SLC1A6: variants seen among roughly 807,000 people sequenced by gnomAD.
SLC1A6 encodes the protein solute carrier family 1 member 6.
In SLC1A6, 15 loss-of-function variants were observed where a neutral mutation model predicts 42.1. That is an observed-to-expected ratio of 0.36 (90% confidence interval 0.24 to 0.55). The LOEUF is 0.55. SLC1A6 is among the 20% of genes least tolerant of loss of function. The pLI is 0.88. For synonymous variants in SLC1A6, 317 were observed against 319.7 expected (o/e 0.99, Z 0.09); for missense variants, 542 against 772.5 (o/e 0.70, Z 3.54).
At chr19:15,002,542 C>T (rs1319469524) in intron 1 of SLC1A6, among the ~76,000 whole-genome samples, 1 of 152,164 alleles carries the variant, frequency 6.6e-6, no homozygotes, top group East Asian at 1.9e-4. Context: ...TCATGTTTGC[C>T]ATAGGCTGTT....
In SLC1A6 at chr19:14,950,282, G is replaced by A. The variant is rs770267660; in HGVS notation, c.1608C>T (p.Leu536=). The A allele has an allele frequency of 5.0e-6, 8 of 1,612,328 alleles. No individual in the cohort carries two copies. Among genetic ancestry groups the A allele is most frequent in the South Asian group, 2.2e-5 (2 of 90,588 alleles). Residue 536 remains leucine, a synonymous_variant, in exon 10 of 10, where the codon CTC becomes CTT. Coordinates refer to ENST00000594383, the MANE Select transcript of SLC1A6 (RefSeq NM_005071.3). Reference sequence around the variant, plus strand: ...ACTTGTAGGGTTTCCCCAGGCTGGGGAGGGTAAGCTCAGCTTCCTGAAGCT... The same window carrying A: ...ACTTGTAGGGTTTCCCCAGGCTGGGAAGGGTAAGCTCAGCTTCCTGAAGCT... ...ELELQEAELT[L]PSLGKPYKSL... is the part of the protein sequence containing the mutation.
intron 1 of SLC1A6, among the ~76,000 whole-genome samples, chr19:15,006,769 A>AG (rs887110274): frequency 2.0e-5 from 3 of 149,000 alleles, no homozygotes; most frequent in Admixed American, 6.7e-5. Context: ...ACAAAAAAAA[A>AG]AAAAGAAAAA....
upstream of SLC1A6, among the ~76,000 whole-genome samples, chr19:14,980,633 G>T (rs2045761139): frequency 6.9e-6 from 1 of 145,440 alleles, no homozygotes; most frequent in African/African-American, 2.6e-5. Context: ...CTCCAGCCTG[G>T]GTGACAGAGC....
At chr19:14,963,173 A>T (rs1246204205) in intron 5 of SLC1A6, among the ~76,000 whole-genome samples, 2 of 152,238 alleles carry the variant, frequency 1.3e-5, no homozygotes, top group African/African-American at 4.8e-5. Context: ...GAACCTGGAA[A>T]ACACTGTGCT....
chr19:14,974,774 T>TA (rs1254334359), intron 1 of SLC1A6: 3 of 151,914 alleles, frequency 2.0e-5, no homozygotes, highest in Non-Finnish European at 4.4e-5. Context: ...CCCTCAATTT[T>TA]AAAAATTGAG....
intron 1 of SLC1A6, among the ~76,000 whole-genome samples, chr19:14,996,495 T>TTCC (rs147786175): frequency 7.6e-6 from 1 of 131,052 alleles, no homozygotes; most frequent in Non-Finnish European, 1.7e-5. Flanking sequence ...CCTTCTTTCT[T>TTCC]TCCTCCTCCT....
chr19:14,987,333 G>A (rs1295552950), intron 1 of SLC1A6, among the ~76,000 whole-genome samples: 4 of 151,932 alleles, frequency 2.6e-5, no homozygotes, highest in Non-Finnish European at 5.9e-5. Flanking sequence ...CAGGCATGGT[G>A]GTGCACACCT....
At chr19:15,000,429 CT>C (rs1377326477) in intron 1 of SLC1A6, among the ~76,000 whole-genome samples, 1 of 152,146 alleles carries the variant, frequency 6.6e-6, no homozygotes, top group East Asian at 1.9e-4. Context: ...ATCAGTTTGT[CT>C]TTTTTACCTT....
chr19:14,991,879 G>A lies in SLC1A6; in HGVS notation c.6+18606C>T, dbSNP rs375223215. On this transcript the variant is annotated intron_variant, in intron 1 of 8. Coordinates refer to the SLC1A6 transcript ENST00000430939. ...TCTAGAGGGAGTCTTGCTCTGTCACGCAGTGGCGTGATCTTGGCTCACTGC... is the reference window on the plus strand; with the variant it reads ...TCTAGAGGGAGTCTTGCTCTGTCACACAGTGGCGTGATCTTGGCTCACTGC... Among the ~76,000 whole-genome samples, 455 of 149,874 alleles carry A rather than the reference G, an allele frequency of 3.0e-3. 4 individuals carry two copies. The South Asian group carries it at 0.035, about 12-fold the overall frequency.
intron 1 of SLC1A6, among the ~76,000 whole-genome samples, chr19:14,986,821 C>T (rs1207838397): frequency 6.6e-6 from 1 of 152,022 alleles, no homozygotes; most frequent in African/African-American, 2.4e-5. Flanking sequence ...ATCCTCCTGC[C>T]TCGGCCTCCC....
At chr19:14,986,801 G>T (rs528440338) in intron 1 of SLC1A6, among the ~76,000 whole-genome samples, 2 of 151,986 alleles carry the variant, frequency 1.3e-5, no homozygotes, top group East Asian at 3.9e-4. Context: ...CAAACTCCTG[G>T]ACTCAAGTGA....
At chr19:14,993,048 G>A (rs966668851) in intron 1 of SLC1A6, among the ~76,000 whole-genome samples, 1 of 152,168 alleles carries the variant, frequency 6.6e-6, no homozygotes, top group Non-Finnish European at 1.5e-5. Flanking sequence ...GGAGGTGGGA[G>A]GAGGACCAGG....
At chr19:14,984,953 C>T (rs1382990752) in intron 1 of SLC1A6, among the ~76,000 whole-genome samples, 1 of 151,686 alleles carries the variant, frequency 6.6e-6, no homozygotes, top group Non-Finnish European at 1.5e-5. Flanking sequence ...GTGATCTCGG[C>T]TCACTGCAAC....
At chr19:15,009,188 C>T (rs568538177) in intron 1 of SLC1A6, among the ~76,000 whole-genome samples, 2 of 73,756 alleles carry the variant, frequency 2.7e-5, no homozygotes, top group South Asian at 9.7e-4. Context: ...CATATCTATA[C>T]CAAATACATA....
intron 1 of SLC1A6, among the ~76,000 whole-genome samples, chr19:15,005,405 A>C (rs1176166384): frequency 6.6e-6 from 1 of 152,150 alleles, no homozygotes; most frequent in Non-Finnish European, 1.5e-5. Context: ...GCTACTCAGA[A>C]GGCTGAGGCA....
chr19:14,962,428 T>G, intron 5 of SLC1A6, 83 bp from the exon 6 acceptor site: 1 of 899,514 alleles, frequency 1.1e-6, no homozygotes, highest in South Asian at 1.5e-5. Context: ...GACCACTGAT[T>G]CCCAGTTCCC....
intron 1 of SLC1A6, among the ~76,000 whole-genome samples, chr19:14,987,514 A>T (rs1357146278): frequency 2.6e-5 from 4 of 152,036 alleles, no homozygotes; most frequent in Admixed American, 2.0e-4. Flanking sequence ...TATAATCAGG[A>T]AAAGAATATA....
chr19:14,950,110 G>C lies in SLC1A6; in HGVS notation c.*85C>G. 1 of 980,354 alleles carries C rather than the reference G, an allele frequency of 1.0e-6. No individual in the cohort carries two copies. The highest frequency in any genetic ancestry group is 1.4e-6 in the Non-Finnish European group (1 of 695,560). 60.7% of individuals were successfully genotyped at this position (980,354 alleles called of 1,614,324 possible). A position where few individuals can be genotyped will look rare whatever the true frequency, so the allele number is the denominator to read the frequency against. On this transcript the variant is annotated 3_prime_UTR_variant, in exon 10 of 10. Transcript: ENST00000594383. ...CAAGCAGAACGTGTGTTCAGCCCAC[G>C]GTCAGTTGGGCAACAGATGTGTCAC...
chr19:14,986,177 G>A (rs1409552065), intron 1 of SLC1A6, among the ~76,000 whole-genome samples: 4 of 149,722 alleles, frequency 2.7e-5, no homozygotes, highest in South Asian at 2.1e-4. Context: ...CATACTTCCC[G>A]TTGCATCACA....
Sources: allele counts gnomAD v4.1 joint callset (sites outside exome capture counted in the v4.1 genomes callset), GRCh38; gene constraint gnomAD v4.1.1; transcripts MANE v1.5; gene names NCBI Gene and HGNC (gene_info 2026-07-23, HGNC 2026-07-21).